GALNT11: variants seen among roughly 807,000 people sequenced by gnomAD.
GALNT11 encodes the protein polypeptide N-acetylgalactosaminyltransferase 11.
GALNT11 carries 47 observed loss-of-function variants against 72.7 expected under a neutral mutation model. That is an observed-to-expected ratio of 0.65 (90% CI 0.51 to 0.82). The LOEUF (loss-of-function observed/expected upper bound fraction) is 0.82. GALNT11 is among the 40% of genes least tolerant of loss of function. The pLI is 0.00. For synonymous variants in GALNT11, 270 were observed against 286.6 expected, an observed-to-expected ratio of 0.94 and a Z score of 0.58; for missense variants, 677 against 778.4, an observed-to-expected ratio of 0.87 and a Z score of 1.55.
intron 11 of GALNT11, 132 bp from the exon 12 acceptor site, chr7:152,121,414 G>GAAAACTAACCT: frequency 9.0e-7 from 1 of 1,111,552 alleles, no homozygotes; most frequent in Non-Finnish European, 1.3e-6. Context: ...ACAAACAGCA[G>GAAAACTAACCT]AAAACTAACC....
At chr7:152,054,575 G>C in intron 1 of GALNT11, among the ~76,000 whole-genome samples, 1 of 146,604 alleles carries the variant, frequency 6.8e-6, no homozygotes. Context: ...CAGTGGCTAT[G>C]GTCATGGCTT....
intron 1 of GALNT11, among the ~76,000 whole-genome samples, chr7:152,047,672 G>A (rs1563045709): frequency 6.6e-6 from 1 of 151,336 alleles, no homozygotes; most frequent in Non-Finnish European, 1.5e-5. Context: ...ACTCTAGCCT[G>A]GTCAACAGTG....
chr7:152,055,842 G>T (rs1378100194), intron 1 of GALNT11, among the ~76,000 whole-genome samples: 1 of 151,916 alleles, frequency 6.6e-6, no homozygotes, highest in Non-Finnish European at 1.5e-5. Context: ...GATAATTGTA[G>T]ATTCACATGT....
intron 2 of GALNT11, among the ~76,000 whole-genome samples, chr7:152,097,684 G>A (rs938751650): frequency 3.3e-5 from 5 of 152,220 alleles, no homozygotes; most frequent in South Asian, 2.1e-4. Flanking sequence ...AGGGAATGAC[G>A]TTGTGATCAT....
chr7:152,060,300 C>A (rs1028843501), intron 1 of GALNT11, among the ~76,000 whole-genome samples: 3 of 152,172 alleles, frequency 2.0e-5, no homozygotes, highest in Non-Finnish European at 4.4e-5. Flanking sequence ...TTCTCCATAT[C>A]CGCATTGATG....
At chr7:152,092,422 C>T (rs2086099614) in intron 1 of GALNT11, among the ~76,000 whole-genome samples, 1 of 152,164 alleles carries the variant, frequency 6.6e-6, no homozygotes. Flanking sequence ...GACATAGCAG[C>T]GCTTTCACTG....
Position 152,094,000 on chromosome 7 carries a change from C to T in GALNT11, c.-38-190C>T, listed in dbSNP as rs1587309926. 7 of 430,330 alleles carry T rather than the reference C, an allele frequency of 1.6e-5. No homozygotes were observed. The South Asian group carries it at 4.2e-4, about 26-fold the overall frequency. The allele number at this position is 430,330 out of a possible 1,614,324, so 26.7% of individuals were successfully genotyped here. ...CGTTGGTTCTCTGAGCATTAACCCA[C>T]AGGCCTGAGGTTTTCATTGTTGAAC... is the stretch of plus-strand genomic sequence containing the variant. On this transcript the variant is annotated intron_variant, in intron 1 of 11. Coordinates refer to ENST00000430044, the MANE Select transcript of GALNT11 (RefSeq NM_022087.4).
chr7:152,095,964 T>G (rs1208350005), intron 2 of GALNT11, among the ~76,000 whole-genome samples: 2 of 152,184 alleles, frequency 1.3e-5, no homozygotes, highest in African/African-American at 2.4e-5. Flanking sequence ...AGTTGCATTT[T>G]TATACTGTAG....
chr7:152,077,530 C>T (rs2085058702), intron 1 of GALNT11, among the ~76,000 whole-genome samples: 2 of 152,138 alleles, frequency 1.3e-5, no homozygotes, highest in Non-Finnish European at 1.5e-5. Flanking sequence ...ATCCAGAACA[C>T]TCATGGGCTG....
intron 1 of GALNT11, among the ~76,000 whole-genome samples, chr7:152,034,220 A>C (rs1334538556): frequency 6.6e-6 from 1 of 152,138 alleles, no homozygotes; most frequent in Non-Finnish European, 1.5e-5. Context: ...TAGGAAGGGT[A>C]GCTATAGGGA....
chr7:152,084,134 T>A (rs992632461), intron 1 of GALNT11, among the ~76,000 whole-genome samples: 1 of 152,144 alleles, frequency 6.6e-6, no homozygotes, highest in African/African-American at 2.4e-5. Flanking sequence ...TTTTTGTTGT[T>A]GTTTTTTATT....
Position 152,108,067 on chromosome 7 carries a change from T to C in GALNT11, c.742T>C (p.Cys248Arg), listed in dbSNP as rs1308869204. The part of the protein sequence containing the change: ...GEVLVFLDSH[C>R]EVNVMWLQPL... Reference sequence around the variant, plus strand: ...AGTCCTTGTGTTCCTGGACAGCCACTGTGAAGTGAATGTGATGTGGCTGCA... The same window carrying C: ...AGTCCTTGTGTTCCTGGACAGCCACCGTGAAGTGAATGTGATGTGGCTGCA... Residue 248 changes from cysteine to arginine, a missense_variant, in exon 6 of 12, where the codon TGT (cysteine) becomes CGT (arginine). By Grantham distance (180) the Cys-to-Arg change is radical. Transcript: ENST00000430044. 6.2e-7 allele frequency: 1 copy of C among 1,612,832 alleles called. No individual in the cohort carries two copies.
At chr7:152,073,921 A>G (rs1373404304) in intron 1 of GALNT11, among the ~76,000 whole-genome samples, 1 of 152,048 alleles carries the variant, frequency 6.6e-6, no homozygotes, top group Non-Finnish European at 1.5e-5. Flanking sequence ...ACATTTTGTC[A>G]TATATTTCTT....
chr7:152,037,327 C>T lies in GALNT11; in HGVS notation c.-39+11443C>T, dbSNP rs7810291. Among the ~76,000 whole-genome samples, 1,204 of 152,232 alleles carry T rather than the reference C, an allele frequency of 7.9e-3. 19 individuals are homozygous for T. Among genetic ancestry groups the T allele is most frequent in the African/African-American group, 0.027 (1,139 of 41,544 alleles). ...CATTTATTGAAGAGACTCTCCTTTT[C>T]CCAATGTATGTTCTTGGCACTTCTG... On this transcript the variant is annotated intron_variant, in intron 1 of 11. Transcript: ENST00000430044.
At chr7:152,038,258 A>G (rs1414199913) in intron 1 of GALNT11, among the ~76,000 whole-genome samples, 1 of 152,222 alleles carries the variant, frequency 6.6e-6, no homozygotes, top group Non-Finnish European at 1.5e-5. Flanking sequence ...AGAGCCATGA[A>G]CAGAGATTTA....
At chr7:152,050,954 A>G (rs760575347) in intron 1 of GALNT11, among the ~76,000 whole-genome samples, 10 of 151,994 alleles carry the variant, frequency 6.6e-5, no homozygotes, top group Non-Finnish European at 1.5e-4. Flanking sequence ...CCCTCCCCCA[A>G]ACACAGAGAT....
At chr7:152,117,568 C>T in intron 9 of GALNT11, 193 bp downstream of exon 9, 3 of 577,076 alleles carry the variant, frequency 5.2e-6, no homozygotes, top group Non-Finnish European at 8.8e-6. Context: ...TAGATCCTTG[C>T]CTTGCCGGCA....
intron 1 of GALNT11, among the ~76,000 whole-genome samples, chr7:152,070,176 T>G (rs2084552288): frequency 6.6e-6 from 1 of 152,040 alleles, no homozygotes; most frequent in Non-Finnish European, 1.5e-5. Flanking sequence ...TTTTGTATTT[T>G]TAGTGGAGAC....
intron 8 of GALNT11, chr7:152,116,860 T>C (rs1290096751): frequency 1.9e-6 from 1 of 540,438 alleles, no homozygotes; most frequent in Non-Finnish European, 3.5e-6. Flanking sequence ...ATTAATAATT[T>C]GTAGGTTTCT....
Sources: allele counts gnomAD v4.1 joint callset (sites outside exome capture counted in the v4.1 genomes callset), GRCh38; gene constraint gnomAD v4.1.1; transcripts MANE v1.5; gene names NCBI Gene and HGNC (gene_info 2026-07-23, HGNC 2026-07-21).